The following PCSK5 variants were observed in gnomAD, a reference collection of about 807,000 sequenced individuals.
PCSK5 encodes proprotein convertase subtilisin/kexin type 5.
A neutral mutation model predicts 233.2 loss-of-function variants in PCSK5; 129 were observed. That is an observed-to-expected ratio of 0.55 (90% CI 0.48 to 0.64). The LOEUF (loss-of-function observed/expected upper bound fraction) is 0.64, where lower values mean the gene tolerates loss of function less well. Among genes scored for constraint, PCSK5 ranks in the 30% least tolerant of loss-of-function variants. PCSK5 has a pLI of 0.00. For synonymous variants in PCSK5, 825 were observed against 879.2 expected, an observed-to-expected ratio of 0.94 and a Z score of 1.09; for missense variants, 2,076 against 2,430.1, an observed-to-expected ratio of 0.85 and a Z score of 3.06.
chr9:76,152,829 C>G (rs953179945), intron 10 of PCSK5, among the ~76,000 whole-genome samples: 4 of 152,168 alleles, frequency 2.6e-5, no homozygotes, highest in Non-Finnish European at 5.9e-5. Context: ...AAAGCTGTTA[C>G]GTATATTAAC....
At chr9:76,041,436 G>C (rs1444728669) in intron 5 of PCSK5, among the ~76,000 whole-genome samples, 1 of 152,154 alleles carries the variant, frequency 6.6e-6, no homozygotes, top group Non-Finnish European at 1.5e-5. Flanking sequence ...TGTTAAGCCA[G>C]ACATTTCTTA....
intron 30 of PCSK5, among the ~76,000 whole-genome samples, chr9:76,319,292 G>C (rs909619715): frequency 6.6e-6 from 1 of 152,016 alleles, no homozygotes; most frequent in African/African-American, 2.4e-5. Context: ...TTACCTAGGT[G>C]CCGAGGCAAG....
rs375841755 is a variant in PCSK5 at position 76,119,169 on chromosome 9, C to A, written c.1208+11818C>A. On this transcript the variant is annotated intron_variant, in intron 9 of 37. Coordinates refer to ENST00000674117, the MANE Select transcript of PCSK5 (RefSeq NM_001372043.1). ...TTCAAAAGTGTGTTTCAAAGTCACT[C>A]GAAAAGATAATCTTTGAATCCTCTA... Among the ~76,000 whole-genome samples, 519 of 152,014 alleles carry A rather than the reference C, an allele frequency of 3.4e-3. 1 individual carries two copies. Among genetic ancestry groups the A allele is most frequent in the Middle Eastern group, 6.8e-3 (2 of 294 alleles).
intron 14 of PCSK5, among the ~76,000 whole-genome samples, chr9:76,178,184 G>A (rs1023638407): frequency 1.3e-5 from 2 of 152,204 alleles, no homozygotes; most frequent in African/African-American, 2.4e-5. Context: ...CCTGGTGTAC[G>A]ATGGCAGATG....
intron 1 of PCSK5, among the ~76,000 whole-genome samples, chr9:75,912,751 ACT>A (rs1822803180): frequency 6.6e-6 from 1 of 151,978 alleles, no homozygotes. Context: ...ATAAAGAATG[ACT>A]CTAGTCTGTA....
intron 4 of PCSK5, among the ~76,000 whole-genome samples, chr9:76,025,795 A>G (rs1301775858): frequency 2.0e-5 from 3 of 152,190 alleles, no homozygotes; most frequent in Admixed American, 2.0e-4. Flanking sequence ...TGTTTGAAGT[A>G]AGCATTCATT....
intron 35 of PCSK5, among the ~76,000 whole-genome samples, chr9:76,340,029 A>G (rs1477652329): frequency 1.3e-5 from 2 of 152,048 alleles, no homozygotes; most frequent in African/African-American, 4.8e-5. Context: ...TCTCAACTTA[A>G]AGATTCAGCT....
intron 1 of PCSK5, among the ~76,000 whole-genome samples, chr9:75,910,285 C>T (rs1306438986): frequency 1.3e-5 from 2 of 152,024 alleles, no homozygotes; most frequent in African/African-American, 4.8e-5. Context: ...ATAGGAAGAC[C>T]CTAGTGAACT....
intron 20 of PCSK5, among the ~76,000 whole-genome samples, chr9:76,210,725 C>A (rs1333067188): frequency 6.6e-6 from 1 of 152,136 alleles, no homozygotes; most frequent in Non-Finnish European, 1.5e-5. Flanking sequence ...GAATGAATGA[C>A]AGAATTGGCG....
chr9:75,902,433 G>C (rs1391170223), intron 1 of PCSK5, among the ~76,000 whole-genome samples: 1 of 152,080 alleles, frequency 6.6e-6, no homozygotes, highest in African/African-American at 2.4e-5. Flanking sequence ...GGTGGCCATA[G>C]CGGCTTTACA....
At chr9:76,140,745 C>A (rs1434878396) in intron 10 of PCSK5, among the ~76,000 whole-genome samples, 1 of 152,066 alleles carries the variant, frequency 6.6e-6, no homozygotes, top group Non-Finnish European at 1.5e-5. Context: ...TTAAGTCCAA[C>A]CTACTAAATC....
rs376658069 is a variant in PCSK5 at position 76,338,351 on chromosome 9, A to G, written c.4870A>G (p.Lys1624Glu). 12 of 1,612,638 alleles carry G rather than the reference A, an allele frequency of 7.4e-6. No individual in the cohort carries two copies. The highest frequency in any genetic ancestry group is 2.7e-5 in the African/African-American group (2 of 74,930). Residue 1624 changes from lysine (K) to glutamate (E), a missense_variant, in exon 35 of 38, where the codon AAA (lysine) becomes GAA (glutamate). By Grantham distance (56) the Lys-to-Glu change is moderately conservative. This residue lies in a region of PCSK5 where 1,510 missense variants were observed against 1,538.1 expected (regional missense o/e 0.98). Coordinates refer to ENST00000674117, the MANE Select transcript of PCSK5 (RefSeq NM_001372043.1). ...TAGATTTTTCTTTCTGCTCCGCTCC[A>G]AAGGAGAGTGTCATCGCTCCTGCCC... The part of the protein sequence containing the change: ...CDRFFFLLRS[K>E]GECHRSCPDH...
chr9:76,214,581 C>T (rs1385972336), intron 20 of PCSK5, among the ~76,000 whole-genome samples: 1 of 151,980 alleles, frequency 6.6e-6, no homozygotes, highest in Non-Finnish European at 1.5e-5. Flanking sequence ...AAAAGCAGGC[C>T]TTGGGGATGA....
intron 24 of PCSK5, among the ~76,000 whole-genome samples, chr9:76,247,412 G>C (rs1826648884): frequency 6.6e-6 from 1 of 152,192 alleles, no homozygotes. Flanking sequence ...CCTGATCATT[G>C]TCCCTCCCTC....
At chr9:75,965,163 G>A (rs1024079983) in intron 2 of PCSK5, among the ~76,000 whole-genome samples, 1 of 152,152 alleles carries the variant, frequency 6.6e-6, no homozygotes, top group Non-Finnish European at 1.5e-5. Flanking sequence ...GCAATTTGTA[G>A]GCCTTTAGTA....
chr9:76,179,458 A>G, intron 14 of PCSK5, 138 bp from the exon 15 acceptor site: 2 of 584,924 alleles, frequency 3.4e-6, no homozygotes, highest in South Asian at 2.1e-5. Flanking sequence ...CTAAAGCCAC[A>G]TTGACAATTA....
intron 20 of PCSK5, among the ~76,000 whole-genome samples, chr9:76,198,510 G>A (rs979322822): frequency 6.6e-6 from 1 of 152,104 alleles, no homozygotes; most frequent in Non-Finnish European, 1.5e-5. Flanking sequence ...TAAGGGGTGT[G>A]GCTGGGACTC....
intron 3 of PCSK5, among the ~76,000 whole-genome samples, chr9:76,015,098 G>A (rs935352904): frequency 6.6e-6 from 1 of 152,180 alleles, no homozygotes; most frequent in African/African-American, 2.4e-5. Flanking sequence ...AAGCCCAGAA[G>A]GCTGGAGAAC....
rs369626370 is a variant in PCSK5 at position 76,354,288 on chromosome 9, A to AG, written c.5254+76dup. The AG allele has an allele frequency of 6.7e-4, 853 of 1,264,934 alleles. 2 individuals carry two copies. The African/African-American group carries it at 0.011, about 16-fold the overall frequency. The allele number at this position is 1,264,934 out of a possible 1,614,324, so 78.4% of individuals were successfully genotyped here. A position where few individuals can be genotyped will look rare whatever the true frequency, so the allele number is the denominator to read the frequency against. On this transcript the variant is annotated intron_variant, in intron 37 of 37. Coordinates refer to ENST00000674117, the MANE Select transcript of PCSK5 (RefSeq NM_001372043.1). ...TCAAGAAGCCAATGGGAGCAGAGGGAGGGGGGGATGGAAAGTTCAGGAGAA... is the reference window on the plus strand; with the variant it reads ...TCAAGAAGCCAATGGGAGCAGAGGGAGGGGGGGGATGGAAAGTTCAGGAGAA...
Sources: allele counts gnomAD v4.1 joint callset (sites outside exome capture counted in the v4.1 genomes callset), GRCh38; gene constraint gnomAD v4.1.1; regional missense constraint gnomAD v4.1.1; transcripts MANE v1.5; gene names NCBI Gene and HGNC (gene_info 2026-07-23, HGNC 2026-07-21).